The following SLC25A21 variants were observed in gnomAD, a reference collection of about 807,000 sequenced individuals.
The protein encoded by SLC25A21 is mitochondrial 2-oxodicarboxylate carrier.
A neutral mutation model predicts 43.8 loss-of-function variants in SLC25A21; 47 were observed. The observed-to-expected ratio is 1.07, with a 90% CI of 0.85 to 1.37. The LOEUF (loss-of-function observed/expected upper bound fraction) is 1.37. Ranked by LOEUF, SLC25A21 falls within the 40% of genes most tolerant of loss-of-function variation. SLC25A21 has a pLI of 0.00. For missense variants in SLC25A21, 352 were observed against 350.2 expected (o/e 1.00, Z -0.04); for synonymous variants, 131 against 121.3 (o/e 1.08, Z -0.52).
chr14:36,984,206 G>A (rs373017462), intron 1 of SLC25A21, among the ~76,000 whole-genome samples: 2 of 152,070 alleles, frequency 1.3e-5, no homozygotes, highest in Admixed American at 6.6e-5. Context: ...TTGGATTCTG[G>A]ATTATCTATT....
intron 3 of SLC25A21, among the ~76,000 whole-genome samples, chr14:36,793,426 A>T (rs1887560405): frequency 6.6e-6 from 1 of 151,464 alleles, no homozygotes. Flanking sequence ...CACTGAGGAA[A>T]TGTGGGGAGG....
chr14:36,992,629 G>A (rs1466172509), intron 1 of SLC25A21, among the ~76,000 whole-genome samples: 2 of 152,066 alleles, frequency 1.3e-5, no homozygotes, highest in African/African-American at 4.8e-5. Flanking sequence ...TTGGAGAAGA[G>A]GACTGCAATT....
intron 1 of SLC25A21, among the ~76,000 whole-genome samples, chr14:36,910,803 T>C (rs1396322809): frequency 6.6e-6 from 1 of 152,230 alleles, no homozygotes; most frequent in Non-Finnish European, 1.5e-5. Context: ...AATTAGTTAA[T>C]GAACTGTAAA....
chr14:36,986,937 CT>C (rs1377130523), intron 1 of SLC25A21, among the ~76,000 whole-genome samples: 1 of 152,046 alleles, frequency 6.6e-6, no homozygotes, highest in Non-Finnish European at 1.5e-5. Flanking sequence ...TGTCTACATG[CT>C]TATCTGTACT....
intron 1 of SLC25A21, among the ~76,000 whole-genome samples, chr14:37,075,088 C>T (rs8019489): frequency 0.21 from 32,313 of 152,138 alleles, 7,906 homozygotes; most frequent in African/African-American, 0.59. Flanking sequence ...ACTAGCTTCC[C>T]TTTGCAACCC....
rs918459213 is a variant in SLC25A21 at position 36,920,312 on chromosome 14, T to C, written c.71-45308A>G. Among the ~76,000 whole-genome samples the C allele has an allele frequency of 4.6e-5, 7 of 152,072 alleles. No individual in the cohort carries two copies. The East Asian group carries it at 1.3e-3, about 29-fold the overall frequency. Reference sequence around the variant, plus strand: ...CTGTCAGGCTCCTTTTGAAAACTGATATTCACACAGGAGACAAGAATGTGG... The same window carrying C: ...CTGTCAGGCTCCTTTTGAAAACTGACATTCACACAGGAGACAAGAATGTGG... On this transcript the variant is annotated intron_variant, in intron 1 of 9. Coordinates refer to ENST00000331299, the MANE Select transcript of SLC25A21 (RefSeq NM_030631.4).
chr14:36,938,092 G>A (rs1892469492), intron 1 of SLC25A21, among the ~76,000 whole-genome samples: 1 of 152,032 alleles, frequency 6.6e-6, no homozygotes. Context: ...TGCAAAAATG[G>A]TCTGCATGTT....
At chr14:36,875,030 T>C (rs769770179) in intron 1 of SLC25A21, 26 bp from the exon 2 acceptor site, 1 of 1,568,158 alleles carries the variant, frequency 6.4e-7, no homozygotes, top group Non-Finnish European at 8.8e-7. Flanking sequence ...GAAAATCCAA[T>C]AAACACTTAT....
At chr14:37,148,370 G>T (rs1963703909) in intron 1 of SLC25A21, among the ~76,000 whole-genome samples, 1 of 152,020 alleles carries the variant, frequency 6.6e-6, no homozygotes, top group Admixed American at 6.6e-5. Flanking sequence ...TTCTATTATA[G>T]AAAGCAAATC....
chr14:37,069,221 T>C (rs1424505425), intron 1 of SLC25A21, among the ~76,000 whole-genome samples: 2 of 152,154 alleles, frequency 1.3e-5, no homozygotes, highest in African/African-American at 4.8e-5. Flanking sequence ...TTACTGTTTA[T>C]GACACTGAAA....
At chr14:36,955,821 G>A (rs1004210642) in intron 1 of SLC25A21, among the ~76,000 whole-genome samples, 1 of 152,160 alleles carries the variant, frequency 6.6e-6, no homozygotes, top group African/African-American at 2.4e-5. Flanking sequence ...TGCCTGTGAG[G>A]AGGTGGGACA....
chr14:36,870,896 G>C (rs1222726909), intron 2 of SLC25A21: 1 of 152,134 alleles, frequency 6.6e-6, no homozygotes, highest in African/African-American at 2.4e-5. Flanking sequence ...AGGCCAGCAG[G>C]AGTATCATAT....
intron 3 of SLC25A21, among the ~76,000 whole-genome samples, chr14:36,757,988 T>A (rs1479991394): frequency 6.6e-6 from 1 of 152,192 alleles, no homozygotes. Flanking sequence ...CGCAAGAGGA[T>A]GGAGATTAAT....
chr14:36,966,210 A>T (rs1156722738), intron 1 of SLC25A21, among the ~76,000 whole-genome samples: 4 of 152,122 alleles, frequency 2.6e-5, no homozygotes, highest in Non-Finnish European at 4.4e-5. Flanking sequence ...TGCTCTTCTA[A>T]TACATGTGCT....
At chr14:37,162,088 C>T (rs1026301209) in intron 1 of SLC25A21, among the ~76,000 whole-genome samples, 1 of 151,816 alleles carries the variant, frequency 6.6e-6, no homozygotes, top group Non-Finnish European at 1.5e-5. Flanking sequence ...GAATACCAAG[C>T]GTTGCTGGCA....
intron 1 of SLC25A21, among the ~76,000 whole-genome samples, chr14:37,150,725 A>T (rs1307371840): frequency 6.6e-6 from 1 of 152,174 alleles, no homozygotes; most frequent in African/African-American, 2.4e-5. Flanking sequence ...TTAGTTTCAG[A>T]TATAAATGTC....
intron 3 of SLC25A21, among the ~76,000 whole-genome samples, chr14:36,782,970 TAAAAAAATAAAAAATA>T (rs1887122096): frequency 1.5e-5 from 2 of 131,850 alleles, no homozygotes; most frequent in East Asian, 2.1e-4. Flanking sequence ...TATAAATAAA[TAAAAAAATAAAAAATA>T]AAAAAAATAA....
intron 1 of SLC25A21, among the ~76,000 whole-genome samples, chr14:37,090,773 T>C (rs1007885104): frequency 6.6e-6 from 1 of 152,212 alleles, no homozygotes; most frequent in Admixed American, 6.5e-5. Flanking sequence ...TAAAGCCCCG[T>C]CCTGATATTA....
intron 1 of SLC25A21, among the ~76,000 whole-genome samples, chr14:36,933,497 A>G (rs1195836903): frequency 1.3e-5 from 2 of 152,148 alleles, no homozygotes; most frequent in East Asian, 3.8e-4. Flanking sequence ...TTCGTTTGTT[A>G]TCAAAAGCTT....
Sources: allele counts gnomAD v4.1 joint callset (sites outside exome capture counted in the v4.1 genomes callset), GRCh38; gene constraint gnomAD v4.1.1; transcripts MANE v1.5; gene names NCBI Gene and HGNC (gene_info 2026-07-23, HGNC 2026-07-21).